The following CGNL1 variants were observed in gnomAD, a reference collection of about 807,000 sequenced individuals.
The protein encoded by CGNL1 is cingulin-like protein 1.
CGNL1 carries 132 observed loss-of-function variants against 141.2 expected under a neutral mutation model. The ratio of observed to expected loss-of-function variants is 0.93; its 90% CI spans 0.81 to 1.08. The LOEUF (loss-of-function observed/expected upper bound fraction) is 1.08. Ranked by LOEUF, CGNL1 falls within the 50% of genes least tolerant of loss-of-function variation. The pLI, the probability that CGNL1 is intolerant of heterozygous loss-of-function variation, is 0.00. For missense variants in CGNL1, 1,870 were observed against 1,588.6 expected (o/e 1.18, Z -3.01); for synonymous variants, 690 against 622.1 (o/e 1.11, Z -1.63).
chr15:57,445,875 GA>G (rs1211098386), intron 4 of CGNL1, among the ~76,000 whole-genome samples: 1 of 151,886 alleles, frequency 6.6e-6, no homozygotes, highest in African/African-American at 2.4e-5. Context: ...AGAAGAAGAA[GA>G]AAAAAAGATC....
chr15:57,505,768 G>A (rs1418639222), intron 8 of CGNL1, among the ~76,000 whole-genome samples: 2 of 152,130 alleles, frequency 1.3e-5, no homozygotes, highest in Admixed American at 6.5e-5. Context: ...CTTTCTATAC[G>A]GAAATTTGGT....
At chr15:57,467,508 C>T (rs189580800) in intron 8 of CGNL1, among the ~76,000 whole-genome samples, 244 of 152,088 alleles carry the variant, frequency 1.6e-3, no homozygotes, top group Admixed American at 6.7e-3. Flanking sequence ...ACTTAAGGGG[C>T]GGGTGCAGAG....
At chr15:57,380,430 G>C (rs570246901) in intron 1 of CGNL1, among the ~76,000 whole-genome samples, 1 of 152,186 alleles carries the variant, frequency 6.6e-6, no homozygotes, top group Non-Finnish European at 1.5e-5. Flanking sequence ...GTCAGGTGGG[G>C]ATGTAAACCC....
chr15:57,397,806 G>C (rs2062618804), intron 1 of CGNL1, among the ~76,000 whole-genome samples: 1 of 147,258 alleles, frequency 6.8e-6, no homozygotes, highest in Non-Finnish European at 1.5e-5. Context: ...TTTTGGAGAT[G>C]GAGTCTCTCT....
At chr15:57,528,330 T>C (rs2031741656) in intron 12 of CGNL1, among the ~76,000 whole-genome samples, 1 of 152,334 alleles carries the variant, frequency 6.6e-6, no homozygotes, top group Admixed American at 6.5e-5. Flanking sequence ...TATGAATGTC[T>C]AGCACAAAAG....
At chr15:57,534,271 G>A (rs778803125) in intron 14 of CGNL1, among the ~76,000 whole-genome samples, 1 of 152,174 alleles carries the variant, frequency 6.6e-6, no homozygotes, top group Non-Finnish European at 1.5e-5. Flanking sequence ...AGATAGGGAG[G>A]GTATAGCCTG....
At chr15:57,415,601 C>T (rs891766770) in intron 1 of CGNL1, among the ~76,000 whole-genome samples, 1 of 152,232 alleles carries the variant, frequency 6.6e-6, no homozygotes, top group South Asian at 2.1e-4. Context: ...CCTTAAAAGT[C>T]TTCCAGATTC....
chr15:57,415,675 G>A lies in CGNL1; in HGVS notation c.-15-22310G>A, dbSNP rs77853058. On this transcript the variant is annotated intron_variant, in intron 1 of 18. Transcript: ENST00000281282. ...CTGAGCCCCATTTGGAGGCAGGGTT[G>A]TTCCTGCTTTCACATGTCCTCCATC... Among the ~76,000 whole-genome samples, 524 of 152,344 alleles carry A rather than the reference G, an allele frequency of 3.4e-3. 3 individuals carry two copies. The highest frequency in any genetic ancestry group is 6.1e-3 in the Non-Finnish European group (418 of 68,016).
At chr15:57,380,754 A>T (rs1399959514) in intron 1 of CGNL1, among the ~76,000 whole-genome samples, 1 of 152,172 alleles carries the variant, frequency 6.6e-6, no homozygotes, top group African/African-American at 2.4e-5. Flanking sequence ...TCTACTGAAC[A>T]GGGGTACTTC....
chr15:57,506,816 A>G (rs1342553674), intron 8 of CGNL1, among the ~76,000 whole-genome samples: 1 of 152,230 alleles, frequency 6.6e-6, no homozygotes, highest in Non-Finnish European at 1.5e-5. Context: ...TAATGTCTCA[A>G]TTCATTTTTA....
Position 57,461,798 on chromosome 15 carries a change from A to C in CGNL1, c.2309A>C (p.Glu770Ala). The C allele has an allele frequency of 1.2e-6, 2 of 1,614,084 alleles. No homozygotes were observed. Among genetic ancestry groups the C allele is most frequent in the Non-Finnish European group, 1.7e-6 (2 of 1,180,010 alleles). The change falls in exon 8 of 19, where the codon GAG becomes GCG. Residue 770 changes from glutamate (E) to alanine (A), a missense_variant. By Grantham distance (107) the Glu-to-Ala change is moderately radical. Transcript: ENST00000281282. ...LTALKGALKE[E>A]VSSHDQEMDK... is the part of the protein sequence containing the mutation. ...GCCCTGAAGGGAGCCCTGAAAGAAG[A>C]GGTTTCCAGCCATGATCAGGAGATG...
intron 7 of CGNL1, among the ~76,000 whole-genome samples, chr15:57,461,200 A>G (rs887661777): frequency 3.9e-4 from 59 of 152,266 alleles, no homozygotes; most frequent in African/African-American, 1.4e-3. Context: ...TGGGCAAATG[A>G]GATAGAAGAA....
Position 57,439,544 on chromosome 15 carries a change from T to G in CGNL1, c.1545T>G (p.Pro515=). The G allele has an allele frequency of 6.2e-7, 1 of 1,614,096 alleles. No homozygotes were observed. The highest frequency in any genetic ancestry group is 8.5e-7 in the Non-Finnish European group (1 of 1,180,018). ...AGAACCGGGCAACAGCAACTTCGCC[T>G]GATTCTGGTGCCAAGAAAATTTCCG... ...MLQNRATATS[P]DSGAKKISVK... Residue 515 remains proline (P), a synonymous_variant, in exon 2 of 19, where the codon CCT becomes CCG. Coordinates refer to ENST00000281282, the MANE Select transcript of CGNL1 (RefSeq NM_032866.5).
chr15:57,384,836 T>A (rs1338518289), intron 1 of CGNL1, among the ~76,000 whole-genome samples: 3 of 152,232 alleles, frequency 2.0e-5, no homozygotes, highest in Non-Finnish European at 2.9e-5. Flanking sequence ...CTTGACATCC[T>A]TGTATTTCCT....
chr15:57,396,644 G>C (rs1333327994), intron 1 of CGNL1, among the ~76,000 whole-genome samples: 1 of 152,162 alleles, frequency 6.6e-6, no homozygotes, highest in Non-Finnish European at 1.5e-5. Context: ...GGTCAGCACT[G>C]CTGGGTCTTA....
At chr15:57,407,465 G>C (rs1179605507) in intron 1 of CGNL1, among the ~76,000 whole-genome samples, 1 of 152,084 alleles carries the variant, frequency 6.6e-6, no homozygotes. Flanking sequence ...TTGAGACCAG[G>C]AGTTTGAGAC....
At chr15:57,436,380 G>A (rs2063105985) in intron 1 of CGNL1, among the ~76,000 whole-genome samples, 1 of 152,224 alleles carries the variant, frequency 6.6e-6, no homozygotes, top group African/African-American at 2.4e-5. Context: ...TGGGCTATGT[G>A]ATGCTGGATC....
intron 1 of CGNL1, among the ~76,000 whole-genome samples, chr15:57,430,832 T>C (rs1319200411): frequency 6.6e-6 from 1 of 152,208 alleles, no homozygotes; most frequent in African/African-American, 2.4e-5. Context: ...TGATTCTCCC[T>C]GCCTCAGCCT....
chr15:57,430,566 T>C (rs2063032540), intron 1 of CGNL1, among the ~76,000 whole-genome samples: 1 of 152,188 alleles, frequency 6.6e-6, no homozygotes. Context: ...TGCTAATCAG[T>C]TAAGAGAAGT....
Sources: gnomAD v4.1 joint callset for allele counts (sites outside exome capture counted in the v4.1 genomes callset) on GRCh38, gnomAD v4.1.1 for gene constraint, MANE v1.5 for transcripts, NCBI Gene and HGNC (gene_info 2026-07-23, HGNC 2026-07-21) for gene names.